The following ARAP2 variants were observed in gnomAD, a reference collection of about 807,000 sequenced individuals.
ARAP2 encodes the protein arf-GAP with Rho-GAP domain, ANK repeat and PH domain-containing protein 2.
Under a neutral mutation model 194.5 loss-of-function variants are expected in ARAP2, and 148 were observed. The observed-to-expected ratio is 0.76, with a 90% CI of 0.67 to 0.87. The LOEUF (loss-of-function observed/expected upper bound fraction) is 0.87, where lower values mean the gene tolerates loss of function less well. Ranked by LOEUF, ARAP2 falls within the 40% of genes least tolerant of loss-of-function variation. The pLI is 0.00. For synonymous variants in ARAP2, 695 were observed against 683.5 expected (o/e 1.02, Z -0.26); for missense variants, 2,128 against 1,989.7 (o/e 1.07, Z -1.32).
chr4:36,009,117 C>A (rs1713904846), intron 9 of ARAP2, among the ~76,000 whole-genome samples: 1 of 152,112 alleles, frequency 6.6e-6, no homozygotes. Flanking sequence ...CTAGTTCAGT[C>A]ACTGTGGAGA....
At chr4:36,235,043 A>T (rs1752193464) in intron 1 of ARAP2, among the ~76,000 whole-genome samples, 1 of 152,128 alleles carries the variant, frequency 6.6e-6, no homozygotes, top group African/African-American at 2.4e-5. Context: ...CACTCAATAA[A>T]CAGCACCTTT....
intron 30 of ARAP2, among the ~76,000 whole-genome samples, chr4:36,082,008 T>C (rs1729667871): frequency 6.6e-6 from 1 of 152,140 alleles, no homozygotes; most frequent in Non-Finnish European, 1.5e-5. Flanking sequence ...ACACTCATAA[T>C]AACTATGGAA....
chr4:36,068,060 T>C lies in ARAP2; in HGVS notation c.4962A>G (p.Leu1654=), dbSNP rs1334267144. The C allele has an allele frequency of 3.7e-6, 6 of 1,614,178 alleles. No homozygotes were observed. The highest frequency in any genetic ancestry group is 1.1e-5 in the South Asian group (1 of 91,090). Residue 1654 remains leucine, a synonymous_variant, in exon 33 of 33, where the codon CTA becomes CTG. Coordinates refer to ENST00000303965, the MANE Select transcript of ARAP2 (RefSeq NM_015230.4). The part of the protein sequence containing the change: ...PLGQPKGHKG[L]KTLRKTEDRN... ...TGTCCTCAGTCTTCCTCAATGTCTT[T>C]AGGCCTTTATGGCCTTTTGGTTGCC... is the stretch of plus-strand genomic sequence containing the variant.
chr4:36,216,061 C>T (rs1010605813), intron 2 of ARAP2, among the ~76,000 whole-genome samples: 1 of 134,736 alleles, frequency 7.4e-6, no homozygotes, highest in African/African-American at 2.8e-5. Context: ...GCTTGGGCAA[C>T]ATAATGAAAC....
chr4:36,155,782 T>C lies in ARAP2; in HGVS notation c.2752+2948A>G, dbSNP rs150458487. 3.6e-4 allele frequency among the ~76,000 whole-genome samples: 54 copies of C among 151,784 alleles called. 1 individual carries two copies. The East Asian group carries it at 9.7e-3, about 27-fold the overall frequency. On this transcript the variant is annotated intron_variant, in intron 15 of 32. Coordinates refer to ENST00000303965, the MANE Select transcript of ARAP2 (RefSeq NM_015230.4). The stretch of plus-strand genomic sequence containing the variant: ...GGTTCACGTCATTCTCCTAAAAAGG[T>C]CTTTTAGGTCACAATAAAAAATAAG...
intron 5 of ARAP2, among the ~76,000 whole-genome samples, chr4:36,022,557 T>C (rs1011758732): frequency 1.2e-4 from 18 of 152,062 alleles, no homozygotes; most frequent in African/African-American, 4.3e-4. Flanking sequence ...GAAGTAATCA[T>C]TTAGATTAAA....
At chr4:36,185,978 C>CAAAAAAAAAAAAAA (rs1054588041) in intron 8 of ARAP2, among the ~76,000 whole-genome samples, 1 of 135,152 alleles carries the variant, frequency 7.4e-6, no homozygotes, top group African/African-American at 2.8e-5. Context: ...AACTCTGTCT[C>CAAAAAAAAAAAAAA]AAAAAAAAAA....
chr4:36,147,709 G>A lies in ARAP2; in HGVS notation c.3038C>T (p.Ala1013Val), dbSNP rs755213172. 1 of 1,611,780 alleles carries A rather than the reference G, an allele frequency of 6.2e-7. No homozygotes were observed. Among genetic ancestry groups the A allele is most frequent in the Non-Finnish European group, 8.5e-7 (1 of 1,179,178 alleles). The change falls in exon 18 of 33, where the codon GCT (alanine) becomes GTT (valine). Residue 1013 changes from alanine (A) to valine (V), a missense_variant. By Grantham distance (64) the Ala-to-Val change is moderately conservative. Coordinates refer to ENST00000303965, the MANE Select transcript of ARAP2 (RefSeq NM_015230.4). ...GAGTTGACCAATCAAATCATAGTCA[G>A]CTTCTGTTAAGTTTTCAGCAAATAA... Reference protein sequence around the residue: ...VPLFAENLTEADYDLIGQLFY... With the variant: ...VPLFAENLTEVDYDLIGQLFY...
intron 19 of ARAP2, among the ~76,000 whole-genome samples, chr4:36,140,226 A>G (rs1310862774): frequency 6.6e-6 from 1 of 150,642 alleles, no homozygotes; most frequent in African/African-American, 2.4e-5. Context: ...CCATCATATC[A>G]TACTTATTTC....
chr4:36,229,395 C>T lies in ARAP2; in HGVS notation c.92G>A (p.Gly31Asp). ...TGCACAGTCCTTCACAGTAGTAAAA[C>T]CAGACTCATGGAAATGTAAGAGATA... ...EQYLLHFHES[G>D]FTTVKDCAAI... Residue 31 changes from glycine (G) to aspartate (D), a missense_variant, in exon 2 of 33, where the codon GGT becomes GAT. Gly to Asp is a moderately conservative substitution (Grantham distance 94). Coordinates refer to ENST00000303965, the MANE Select transcript of ARAP2 (RefSeq NM_015230.4). The T allele has an allele frequency of 6.2e-7, 1 of 1,613,974 alleles. No homozygotes were observed. Among genetic ancestry groups the T allele is most frequent in the Non-Finnish European group, 8.5e-7 (1 of 1,179,936 alleles).
intron 24 of ARAP2, among the ~76,000 whole-genome samples, chr4:36,119,044 A>T (rs1458140624): frequency 6.6e-6 from 1 of 151,424 alleles, no homozygotes; most frequent in Non-Finnish European, 1.5e-5. Context: ...TTACTAGAAG[A>T]TGACTAATCA....
chr4:36,034,499 C>T (rs1227113464), intron 5 of ARAP2, among the ~76,000 whole-genome samples: 5 of 152,108 alleles, frequency 3.3e-5, no homozygotes, highest in Non-Finnish European at 7.3e-5. Flanking sequence ...ATTTTGTACC[C>T]TGAAACTTTA....
At chr4:36,062,670 C>T (rs931933210), downstream of ARAP2, among the ~76,000 whole-genome samples, 4 of 144,210 alleles carry the variant, frequency 2.8e-5, no homozygotes, top group Non-Finnish European at 6.1e-5. Flanking sequence ...GTGTATAAAA[C>T]AGTTGTTGAA....
intron 1 of ARAP2, among the ~76,000 whole-genome samples, chr4:36,241,881 G>A (rs1028454042): frequency 2.0e-5 from 3 of 152,086 alleles, no homozygotes; most frequent in Non-Finnish European, 4.4e-5. Flanking sequence ...CTAAACCACT[G>A]CTTCAACCCA....
At position 36,066,248 on chromosome 4, in the gene ARAP2, T is replaced by A. The variant is rs1239895004; in HGVS notation, c.*1659A>T. 6.6e-6 allele frequency: 1 copy of A among 151,126 alleles called. No homozygotes were observed. Among genetic ancestry groups the A allele is most frequent in the African/African-American group, 2.4e-5 (1 of 41,330 alleles). The allele number at this position is 151,126 out of a possible 1,614,324, so 9.4% of individuals were successfully genotyped here. On this transcript the variant is annotated 3_prime_UTR_variant, in exon 33 of 33. Transcript: ENST00000303965. Reference sequence around the variant, plus strand: ...CCTCTTTATTTCATAAAAATATAAATATTTATTAGAAATAGTATGTTTAAG... The same window carrying A: ...CCTCTTTATTTCATAAAAATATAAAAATTTATTAGAAATAGTATGTTTAAG...
At chr4:36,242,057 T>C (rs1753620021) in intron 1 of ARAP2, among the ~76,000 whole-genome samples, 1 of 152,176 alleles carries the variant, frequency 6.6e-6, no homozygotes, top group South Asian at 2.1e-4. Context: ...GTGAGCAAAA[T>C]GGTTTAACTA....
intron 1 of ARAP2, among the ~76,000 whole-genome samples, chr4:36,060,194 C>T (rs1724194929): frequency 6.6e-6 from 1 of 152,040 alleles, no homozygotes; most frequent in East Asian, 1.9e-4. Context: ...ATTACTCAGT[C>T]GTTTAACTGA....
intron 9 of ARAP2, among the ~76,000 whole-genome samples, chr4:36,010,446 T>C (rs1379868426): frequency 6.6e-6 from 1 of 152,052 alleles, no homozygotes; most frequent in Non-Finnish European, 1.5e-5. Context: ...AGCCATCTAC[T>C]GCCTATTTGT....
In ARAP2 at chr4:36,147,764, A is replaced by G; in HGVS notation, c.3001-18T>C. On this transcript the variant is annotated intron_variant, in intron 17 of 32. Transcript: ENST00000303965. ...ACAAAATGCTGTTAAAACAAATACA[A>G]AAAAGTAATAAAGACAGTGAAAATA... is the stretch of plus-strand genomic sequence containing the variant. The G allele has an allele frequency of 7.0e-6, 11 of 1,576,898 alleles. No individual in the cohort carries two copies. Among genetic ancestry groups the G allele is most frequent in the Non-Finnish European group, 9.5e-6 (11 of 1,160,770 alleles).
Sources: allele counts gnomAD v4.1 joint callset (sites outside exome capture counted in the v4.1 genomes callset), GRCh38; gene constraint gnomAD v4.1.1; transcripts MANE v1.5; gene names NCBI Gene and HGNC (gene_info 2026-07-23, HGNC 2026-07-21).